The following ADGRG6 variants were observed in gnomAD, a reference collection of about 807,000 sequenced individuals.
The protein encoded by ADGRG6 is G-protein coupled receptor 126.
ADGRG6 carries 84 observed loss-of-function variants against 142.4 expected under a neutral mutation model. The ratio of observed to expected loss-of-function variants is 0.59; its 90% CI spans 0.49 to 0.71. The LOEUF is 0.71. Among genes scored for constraint, ADGRG6 ranks in the 30% least tolerant of loss-of-function variants. The pLI is 0.00. For synonymous variants in ADGRG6, 521 were observed against 520.5 expected, an observed-to-expected ratio of 1.00 and a Z score of -0.01; for missense variants, 1,367 against 1,466.6, an observed-to-expected ratio of 0.93 and a Z score of 1.11.
intron 2 of ADGRG6, among the ~76,000 whole-genome samples, chr6:142,353,087 T>C (rs142840512): frequency 6.6e-6 from 1 of 152,294 alleles, no homozygotes; most frequent in South Asian, 2.1e-4. Context: ...GTGGGTCATC[T>C]TGGAGATATA....
chr6:142,418,427 A>C (rs962833344), intron 21 of ADGRG6, among the ~76,000 whole-genome samples: 1 of 152,168 alleles, frequency 6.6e-6, no homozygotes, highest in African/African-American at 2.4e-5. Flanking sequence ...AACTAGGGAA[A>C]AATAATGGGG....
chr6:142,307,905 A>G (rs566139977), intron 1 of ADGRG6, among the ~76,000 whole-genome samples: 24 of 152,044 alleles, frequency 1.6e-4, no homozygotes, highest in Non-Finnish European at 1.0e-4. Context: ...AGTTTGGTGA[A>G]TACTAAAACA....
At chr6:142,302,486 C>A in intron 1 of ADGRG6, 155 bp downstream of exon 1, 1 of 717,718 alleles carries the variant, frequency 1.4e-6, no homozygotes, top group Non-Finnish European at 2.3e-6. Flanking sequence ...CAGTTTGCCC[C>A]TCGAGGCACT....
intron 2 of ADGRG6, among the ~76,000 whole-genome samples, chr6:142,351,759 C>T (rs750821964): frequency 6.6e-6 from 1 of 152,102 alleles, no homozygotes; most frequent in Non-Finnish European, 1.5e-5. Flanking sequence ...AAGAAACAGA[C>T]AGCCTACAGA....
In ADGRG6 at chr6:142,310,982, A is replaced by G. The variant is rs370275815; in HGVS notation, c.103+1338A>G. On this transcript the variant is annotated intron_variant, in intron 2 of 24. Coordinates refer to ENST00000367609, the MANE Select transcript of ADGRG6 (RefSeq NM_198569.3). ...CATTTTTGTTAGGTCATGTATTTAT[A>G]TATTTTTAAGGCTTCTTGAGACCAC... Among the ~76,000 whole-genome samples, 4 of 151,922 alleles carry G rather than the reference A, an allele frequency of 2.6e-5. No homozygotes were observed. The East Asian group carries it at 5.8e-4, about 22-fold the overall frequency.
chr6:142,356,144 T>G (rs1780431338), intron 2 of ADGRG6, among the ~76,000 whole-genome samples: 1 of 152,240 alleles, frequency 6.6e-6, no homozygotes, highest in South Asian at 2.1e-4. Flanking sequence ...TTTTCAATAG[T>G]TCTATTAACT....
At chr6:142,345,740 A>G (rs1344686302) in intron 2 of ADGRG6, among the ~76,000 whole-genome samples, 1 of 152,178 alleles carries the variant, frequency 6.6e-6, no homozygotes, top group Non-Finnish European at 1.5e-5. Context: ...AGGCAAAAGT[A>G]TAACCAGTTG....
chr6:142,323,524 A>G (rs538035755), intron 2 of ADGRG6, among the ~76,000 whole-genome samples: 6 of 152,282 alleles, frequency 3.9e-5, no homozygotes, highest in Non-Finnish European at 7.4e-5. Context: ...TTGACAGTCC[A>G]CATATATGAC....
intron 2 of ADGRG6, among the ~76,000 whole-genome samples, chr6:142,341,405 A>G (rs1474875003): frequency 1.6e-5 from 2 of 122,704 alleles, no homozygotes. Context: ...ATTATATAAT[A>G]TATTATATAA....
intron 4 of ADGRG6, among the ~76,000 whole-genome samples, chr6:142,376,651 T>A (rs1414069442): frequency 6.6e-6 from 1 of 152,304 alleles, no homozygotes; most frequent in Middle Eastern, 3.4e-3. Context: ...TATTTTTAGA[T>A]TACTAAATCA....
In ADGRG6 at chr6:142,415,779, CT is replaced by C. The variant is rs763807899; in HGVS notation, c.2670-11del. ...ACAGTATTAGTTCTCTCATAGATTC[CT>C]TTTTTCATTTTTTAGGAAATTGCGA... On this transcript the variant is annotated splice_polypyrimidine_tract_variant and intron_variant, in intron 19 of 24. Coordinates refer to ENST00000367609, the MANE Select transcript of ADGRG6 (RefSeq NM_198569.3). 4.3e-5 allele frequency: 68 copies of C among 1,592,014 alleles called. No individual in the cohort carries two copies. Among genetic ancestry groups the C allele is most frequent in the Non-Finnish European group, 5.4e-5 (63 of 1,162,060 alleles).
chr6:142,370,922 A>G lies in ADGRG6; in HGVS notation c.1069+129A>G, dbSNP rs540586767. On this transcript the variant is annotated intron_variant, in intron 4 of 24. Coordinates refer to ENST00000367609, the MANE Select transcript of ADGRG6 (RefSeq NM_198569.3). ...TATTCACACATATAGACATATATAT[A>G]TATGTTGTCATTAAAAAGCTCTTTT... is the stretch of plus-strand genomic sequence containing the variant. 3.4e-4 allele frequency: 312 copies of G among 909,748 alleles called. 5 individuals carry two copies. In the South Asian group the frequency reaches 4.8e-3, roughly 14 times the overall value. The allele number at this position is 909,748 out of a possible 1,614,324, so 56.4% of individuals were successfully genotyped here. A position where few individuals can be genotyped will look rare whatever the true frequency, so the allele number is the denominator to read the frequency against.
chr6:142,339,645 G>A (rs1487319017), intron 2 of ADGRG6, among the ~76,000 whole-genome samples: 1 of 152,120 alleles, frequency 6.6e-6, no homozygotes, highest in African/African-American at 2.4e-5. Flanking sequence ...GTTACACTTG[G>A]CAATGATGAG....
chr6:142,318,414 T>G (rs1393038240), intron 2 of ADGRG6, among the ~76,000 whole-genome samples: 2 of 121,176 alleles, frequency 1.7e-5, no homozygotes, highest in African/African-American at 3.1e-5. Context: ...AATATATATA[T>G]AATATATTTA....
chr6:142,361,174 T>C (rs1448607703), intron 2 of ADGRG6, among the ~76,000 whole-genome samples: 1 of 152,188 alleles, frequency 6.6e-6, no homozygotes, highest in Non-Finnish European at 1.5e-5. Flanking sequence ...CCAAGTAGTA[T>C]AAAGATGACA....
intron 2 of ADGRG6, among the ~76,000 whole-genome samples, chr6:142,364,456 T>C (rs1186860512): frequency 6.6e-6 from 1 of 152,204 alleles, no homozygotes; most frequent in Non-Finnish European, 1.5e-5. Context: ...TAAAGTGGTG[T>C]GCTATTTTAC....
chr6:142,445,650 C>T lies in ADGRG6; in HGVS notation c.*2135C>T, dbSNP rs1169810772. ...ATGAGAAAAAAATTAAGAAATTGCTCAAGGGAAACATTTGTAAATGGATTT... is the reference window on the plus strand; with the variant it reads ...ATGAGAAAAAAATTAAGAAATTGCTTAAGGGAAACATTTGTAAATGGATTT... On this transcript the variant is annotated 3_prime_UTR_variant, in exon 25 of 25. Transcript: ENST00000367609. 6.6e-6 allele frequency: 1 copy of T among 152,078 alleles called. No individual in the cohort carries two copies. The highest frequency in any genetic ancestry group is 2.4e-5 in the African/African-American group (1 of 41,400). The allele number at this position is 152,078 out of a possible 1,614,324, so 9.4% of individuals were successfully genotyped here. A position where few individuals can be genotyped will look rare whatever the true frequency, so the allele number is the denominator to read the frequency against.
chr6:142,425,316 A>G lies in ADGRG6; in HGVS notation c.3319+5212A>G, dbSNP rs185269064. On this transcript the variant is annotated intron_variant, in intron 22 of 24. Transcript: ENST00000367609. ...GTGTTTGGGGAAAAGTTGGTCCAGT[A>G]TTTTAGACTGTGGTGGGGATGAGAG... Among the ~76,000 whole-genome samples, 606 of 152,272 alleles carry G rather than the reference A, an allele frequency of 4.0e-3. 3 individuals carry two copies. Among genetic ancestry groups the G allele is most frequent in the African/African-American group, 0.014 (576 of 41,558 alleles).
chr6:142,318,261 AT>A (rs1778313457), intron 2 of ADGRG6, among the ~76,000 whole-genome samples: 1 of 68,278 alleles, frequency 1.5e-5, no homozygotes, highest in Non-Finnish European at 2.5e-5. Flanking sequence ...ATATATATTT[AT>A]TATATATATT....
Sources: gnomAD v4.1 joint callset for allele counts (sites outside exome capture counted in the v4.1 genomes callset) on GRCh38, gnomAD v4.1.1 for gene constraint, MANE v1.5 for transcripts, NCBI Gene and HGNC (gene_info 2026-07-23, HGNC 2026-07-21) for gene names.